Variants in SLC24A2 observed in about 807,000 individuals in gnomAD.
SLC24A2 encodes sodium/potassium/calcium exchanger 2.
Under a neutral mutation model 62.0 loss-of-function variants are expected in SLC24A2, and 36 were observed. That is an observed-to-expected ratio of 0.58 (90% CI 0.44 to 0.77). The LOEUF is 0.77. Among genes scored for constraint, SLC24A2 ranks in the 30% least tolerant of loss-of-function variants. SLC24A2 has a pLI of 0.00. For synonymous variants in SLC24A2, 358 were observed against 294.0 expected, an observed-to-expected ratio of 1.22 and a Z score of -2.23; for missense variants, 846 against 817.9, an observed-to-expected ratio of 1.03 and a Z score of -0.42.
At chr9:19,871,801 G>T in the SLC24A2 span, among the ~76,000 whole-genome samples, 5 of 152,100 alleles carry the variant, frequency 3.3e-5, no homozygotes, top group East Asian at 9.7e-4. Flanking sequence ...AGAGAATTTG[G>T]GATATTATCT....
At chr9:19,893,082 T>C in the SLC24A2 span, among the ~76,000 whole-genome samples, 180 of 152,358 alleles carry the variant, frequency 1.2e-3, 1 homozygote, top group African/African-American at 4.1e-3. Context: ...TCTTTAATAA[T>C]GTTCCCATTT....
At chr9:20,221,047 G>A in the SLC24A2 span, among the ~76,000 whole-genome samples, 2 of 152,110 alleles carry the variant, frequency 1.3e-5, no homozygotes, top group South Asian at 4.1e-4. Context: ...ATTCTTCTAA[G>A]CATTCTTATC....
intron 2 of SLC24A2, among the ~76,000 whole-genome samples, chr9:19,768,866 T>C (rs1332227700): frequency 6.6e-6 from 1 of 152,182 alleles, no homozygotes; most frequent in South Asian, 2.1e-4. Context: ...CCAGGCTCCC[T>C]TGCTGGTTTC....
At chr9:20,229,800 G>A in the SLC24A2 span, among the ~76,000 whole-genome samples, 906 of 151,564 alleles carry the variant, frequency 6.0e-3, 9 homozygotes, top group African/African-American at 0.021. Flanking sequence ...TGTTACATAC[G>A]TGTACATGTG....
chr9:19,947,697 A>G, the SLC24A2 span, among the ~76,000 whole-genome samples: 1 of 149,942 alleles, frequency 6.7e-6, no homozygotes, highest in East Asian at 2.0e-4. Flanking sequence ...AGGCTGAGGC[A>G]GGAGAATGGC....
At chr9:20,276,506 T>C in the SLC24A2 span, among the ~76,000 whole-genome samples, 1 of 152,208 alleles carries the variant, frequency 6.6e-6, no homozygotes, top group Non-Finnish European at 1.5e-5. Flanking sequence ...GCATTGAGTG[T>C]CTGTGGCTTT....
the SLC24A2 span, among the ~76,000 whole-genome samples, chr9:20,239,822 T>C: frequency 3.3e-5 from 5 of 151,830 alleles, no homozygotes; most frequent in South Asian, 2.1e-4. Context: ...GCTGCTTCTA[T>C]TGTCAAAGAA....
the SLC24A2 span, among the ~76,000 whole-genome samples, chr9:19,992,128 A>G: frequency 2.0e-5 from 3 of 152,186 alleles, no homozygotes; most frequent in African/African-American, 7.2e-5. Context: ...GATTGGATTA[A>G]ACAGCATTGT....
rs567041652 is a variant in SLC24A2 at position 19,708,249 on chromosome 9, T to C, written c.930+77688A>G. On this transcript the variant is annotated intron_variant, in intron 2 of 10. Transcript: ENST00000341998. ...AACTACAAACCACTGCTCAAGGAAA[T>C]AAAAGAGGATACAAACAAATGGAAG... Among the ~76,000 whole-genome samples, 3 of 152,020 alleles carry C rather than the reference T, an allele frequency of 2.0e-5. No individual in the cohort carries two copies. The East Asian group carries it at 5.8e-4, about 29-fold the overall frequency.
intron 10 of SLC24A2, among the ~76,000 whole-genome samples, chr9:19,517,451 G>T (rs1225630450): frequency 6.6e-6 from 1 of 152,234 alleles, no homozygotes; most frequent in Non-Finnish European, 1.5e-5. Context: ...TGATGAGGGT[G>T]AAAGGGGCAG....
the SLC24A2 span, among the ~76,000 whole-genome samples, chr9:19,873,447 CTCTT>C: frequency 0.066 from 9,505 of 144,024 alleles, 1,093 homozygotes; most frequent in African/African-American, 0.23. Flanking sequence ...TCCTTTCTTT[CTCTT>C]TCTTTCTTTC....
At chr9:19,919,277 A>G in the SLC24A2 span, among the ~76,000 whole-genome samples, 1 of 152,144 alleles carries the variant, frequency 6.6e-6, no homozygotes, top group Non-Finnish European at 1.5e-5. Flanking sequence ...ACCACGAGTG[A>G]TTCCATGCCT....
chr9:19,554,951 C>T (rs150185604), intron 7 of SLC24A2, among the ~76,000 whole-genome samples: 1,558 of 152,284 alleles, frequency 0.01, 26 homozygotes, highest in African/African-American at 0.034. Context: ...AGCCTGGGAT[C>T]ACTCTATGAA....
chr9:19,844,588 T>G, the SLC24A2 span, among the ~76,000 whole-genome samples: 1 of 152,168 alleles, frequency 6.6e-6, no homozygotes. Flanking sequence ...ATAAATTCTT[T>G]CCCAAGGCCA....
the SLC24A2 span, among the ~76,000 whole-genome samples, chr9:20,162,701 C>A: frequency 2.6e-5 from 4 of 152,092 alleles, no homozygotes; most frequent in Non-Finnish European, 5.9e-5. Context: ...AGACCAATAT[C>A]CTTGATGAAC....
intron 5 of SLC24A2, among the ~76,000 whole-genome samples, chr9:19,588,638 T>G (rs533312760): frequency 3.3e-4 from 51 of 152,330 alleles, no homozygotes; most frequent in African/African-American, 1.2e-3. Flanking sequence ...GAAGCCAATC[T>G]GAGTCTCTCT....
the SLC24A2 span, among the ~76,000 whole-genome samples, chr9:20,039,566 T>C: frequency 4.6e-5 from 7 of 151,972 alleles, no homozygotes; most frequent in South Asian, 2.1e-4. Context: ...GAGGTTGGCA[T>C]TGTGGAAATA....
At chr9:20,075,955 G>GT in the SLC24A2 span, among the ~76,000 whole-genome samples, 7 of 152,148 alleles carry the variant, frequency 4.6e-5, no homozygotes, top group South Asian at 1.5e-3. Flanking sequence ...ACATCCTCCT[G>GT]TATACTTTAA....
the SLC24A2 span, among the ~76,000 whole-genome samples, chr9:19,879,824 G>C: frequency 6.6e-6 from 1 of 152,138 alleles, no homozygotes; most frequent in Non-Finnish European, 1.5e-5. Flanking sequence ...AAAGTAGAAT[G>C]AGTGAATTTT....
Sources: gnomAD v4.1 joint callset for allele counts (sites outside exome capture counted in the v4.1 genomes callset) on GRCh38, gnomAD v4.1.1 for gene constraint, MANE v1.5 for transcripts, NCBI Gene and HGNC (gene_info 2026-07-23, HGNC 2026-07-21) for gene names.